IGFN1: variants seen among roughly 807,000 people sequenced by gnomAD.
The protein encoded by IGFN1 is immunoglobulin like and fibronectin type III domain containing 1.
Under a neutral mutation model 289.5 loss-of-function variants are expected in IGFN1, and 253 were observed. The ratio of observed to expected loss-of-function variants is 0.87; its 90% confidence interval spans 0.79 to 0.97. IGFN1 has a LOEUF of 0.97. IGFN1 is among the 50% of genes least tolerant of loss of function. The pLI is 0.00. For synonymous variants in IGFN1, 1,706 were observed against 1,788.5 expected (o/e 0.95, Z 1.16); for missense variants, 4,470 against 4,686.1 (o/e 0.95, Z 1.35).
At chr1:201,195,148 T>TC (rs1350525140) in intron 3 of IGFN1, among the ~76,000 whole-genome samples, 25 of 138,058 alleles carry the variant, frequency 1.8e-4, no homozygotes, top group African/African-American at 5.6e-4. Flanking sequence ...GAAAATCTCT[T>TC]CTTTTTTTTT....
At chr1:201,225,233 T>C (rs1345851705) in intron 21 of IGFN1, among the ~76,000 whole-genome samples, 1 of 152,176 alleles carries the variant, frequency 6.6e-6, no homozygotes, top group East Asian at 1.9e-4. Context: ...GATAAAGGCT[T>C]TCCTCCCCAG....
chr1:201,212,942 T>A lies in IGFN1; in HGVS notation c.8049T>A (p.Ala2683=). The A allele has an allele frequency of 6.4e-7, 1 of 1,551,428 alleles. No homozygotes were observed. The highest frequency in any genetic ancestry group is 1.2e-5 in the South Asian group (1 of 84,062). Residue 2683 remains alanine (A), a synonymous_variant, in exon 12 of 24, where the codon GCT becomes GCA. Transcript: ENST00000335211. The part of the protein sequence containing the change: ...GGEGAPGQEA[A]GGCRSPWSLD... ...AGGGTGCACCAGGCCAAGAGGCGGCTGGTGGATGCCGAAGCCCATGGTCCC... is the reference window on the plus strand; with the variant it reads ...AGGGTGCACCAGGCCAAGAGGCGGCAGGTGGATGCCGAAGCCCATGGTCCC...
At chr1:201,214,135 C>T in intron 12 of IGFN1, 42 bp from the exon 13 acceptor site, 1 of 1,558,678 alleles carries the variant, frequency 6.4e-7, no homozygotes, top group Non-Finnish European at 8.7e-7. Flanking sequence ...AGGCCATGGC[C>T]TGGGGCGCTC....
At chr1:201,214,456 G>A (rs1334771954) in intron 13 of IGFN1, among the ~76,000 whole-genome samples, 155 bp downstream of exon 13, 1 of 152,144 alleles carries the variant, frequency 6.6e-6, no homozygotes, top group African/African-American at 2.4e-5. Flanking sequence ...CAATAACTTG[G>A]TGTGTTTAAA....
intron 15 of IGFN1, chr1:201,216,179 C>T: frequency 3.3e-6 from 2 of 604,122 alleles, no homozygotes; most frequent in Non-Finnish European, 3.0e-6. Flanking sequence ...GTGCCCATAC[C>T]AGCCACCGGA....
rs1558144450 is a variant in IGFN1, at chr1:201,208,932, CA to C, written c.4040del (p.Gln1347ArgfsTer18). The stretch of plus-strand genomic sequence containing the variant: ...CAAGGCAGATTATAGGGGTGGTTTA[CA>C]GGATTCCAGGGAAGCGGGTTCAGGG... ...GSKADYRGGL[Q>X]DSREAGSGSK... is the part of the protein sequence containing the mutation. On this transcript the variant is annotated frameshift_variant, in exon 12 of 24. Coordinates refer to ENST00000335211, the MANE Select transcript of IGFN1 (RefSeq NM_001164586.2). LOFTEE classifies it high-confidence loss of function. 1 of 1,525,254 alleles carries C rather than the reference CA, an allele frequency of 6.6e-7. No individual in the cohort carries two copies. The highest frequency in any genetic ancestry group is 1.2e-5 in the South Asian group (1 of 83,342). 94.5% of individuals were successfully genotyped at this position (1,525,254 alleles called of 1,614,324 possible).
Position 201,212,470 on chromosome 1 carries a change from G to T in IGFN1, c.7577G>T (p.Gly2526Val). The change falls in exon 12 of 24, where the codon GGG becomes GTG. Residue 2526 changes from glycine (G) to valine (V), a missense_variant. Physicochemically the swap from Gly to Val is moderately radical, Grantham distance 109 (BLOSUM62 -3). Coordinates refer to ENST00000335211, the MANE Select transcript of IGFN1 (RefSeq NM_001164586.2). ...CAAGCAGGGATAATGGGGGCTTCTGGGTTTCTTGATGGCAAGGGGGCAGTG... is the reference window on the plus strand; with the variant it reads ...CAAGCAGGGATAATGGGGGCTTCTGTGTTTCTTGATGGCAAGGGGGCAGTG... ...PDQAGIMGAS[G>V]FLDGKGAVEG... 2 of 1,539,318 alleles carry T rather than the reference G, an allele frequency of 1.3e-6. No individual in the cohort carries two copies. The highest frequency in any genetic ancestry group is 1.2e-5 in the South Asian group (1 of 84,058).
At chr1:201,197,696 A>G (rs1572164487) in intron 5 of IGFN1, among the ~76,000 whole-genome samples, 1 of 152,216 alleles carries the variant, frequency 6.6e-6, no homozygotes, top group African/African-American at 2.4e-5. Flanking sequence ...CAGAGTTGAC[A>G]AACAGGTCAC....
intron 5 of IGFN1, 57 bp from the exon 6 acceptor site, chr1:201,199,277 T>C: frequency 2.1e-6 from 3 of 1,454,800 alleles, no homozygotes; most frequent in Admixed American, 2.0e-5. Context: ...CAACATGTCT[T>C]GCTTCTCTCC....
chr1:201,197,167 G>A, intron 4 of IGFN1, 51 bp from the exon 5 acceptor site: 4 of 1,113,022 alleles, frequency 3.6e-6, no homozygotes, highest in Non-Finnish European at 5.3e-6. Context: ...TCTAGTAAAT[G>A]GAGGAAGGGG....
At position 201,215,781 on chromosome 1, in the gene IGFN1, G is replaced by C. The variant is rs372638363; in HGVS notation, c.9238G>C (p.Val3080Leu). The change falls in exon 15 of 24, where the codon GTG becomes CTG. Residue 3080 changes from valine to leucine, a missense_variant. By Grantham distance (32) the Val-to-Leu change is conservative (BLOSUM62 1). Around this residue, in one of 8 missense-constraint regions of IGFN1, gnomAD observed 2,218 missense variants for 2,114.1 expected, o/e 1.05. Transcript: ENST00000335211. ...CAGGAAGGACTGTGGCCAGTACAGC[G>C]TGACACTGAGGAGTGAGGGAGGCTC... The part of the protein sequence containing the change: ...AGRKDCGQYS[V>L]TLRSEGGSVQ... 6.2e-7 allele frequency: 1 copy of C among 1,601,330 alleles called. No homozygotes were observed. Among genetic ancestry groups the C allele is most frequent in the Non-Finnish European group, 8.5e-7 (1 of 1,172,646 alleles).
chr1:201,226,228 A>C, intron 22 of IGFN1, 105 bp downstream of exon 22: 1 of 1,284,084 alleles, frequency 7.8e-7, no homozygotes, highest in South Asian at 1.6e-5. Flanking sequence ...GGACTGTGGC[A>C]GGGATGGCCT....
chr1:201,197,461 G>A (rs1666968876), intron 5 of IGFN1, 144 bp downstream of exon 5: 4 of 629,710 alleles, frequency 6.4e-6, no homozygotes, highest in Admixed American at 4.6e-5. Flanking sequence ...CCCACCTTGT[G>A]CTGGGCCCCG....
intron 6 of IGFN1, 30 bp downstream of exon 6, chr1:201,199,408 G>A (rs1472673212): frequency 6.5e-7 from 1 of 1,546,268 alleles, no homozygotes; most frequent in East Asian, 2.4e-5. Context: ...ACCTCCTTGG[G>A]GGCCTGTGGG....
At position 201,208,297 on chromosome 1, in the gene IGFN1, C is replaced by A. The variant is rs1483347295; in HGVS notation, c.3404C>A (p.Ala1135Asp). The change falls in exon 12 of 24, where the codon GCC becomes GAC. Residue 1135 changes from alanine (A) to aspartate (D), a missense_variant. Ala to Asp is a moderately radical substitution (Grantham distance 126, BLOSUM62 -2). Coordinates refer to ENST00000335211, the MANE Select transcript of IGFN1 (RefSeq NM_001164586.2). ...TTCAGAGCCTCAGAGGCCCTGGGGG[C>A]CTTTGGAGAAGGAGGCTATGAAGAT... ...GGFRASEALG[A>D]FGEGGYEDGS... The A allele has an allele frequency of 1.3e-6, 2 of 1,527,906 alleles. No homozygotes were observed. Among genetic ancestry groups the A allele is most frequent in the South Asian group, 1.2e-5 (1 of 82,942 alleles). The allele number at this position is 1,527,906 out of a possible 1,614,324, so 94.6% of individuals were successfully genotyped here.
chr1:201,212,126 A>G lies in IGFN1; in HGVS notation c.7233A>G (p.Glu2411=). 1.3e-6 allele frequency: 2 copies of G among 1,536,478 alleles called. No homozygotes were observed. Among genetic ancestry groups the G allele is most frequent in the Non-Finnish European group, 1.7e-6 (2 of 1,146,786 alleles). Residue 2411 remains glutamate, a synonymous_variant, in exon 12 of 24, where the codon GAA becomes GAG. Coordinates refer to ENST00000335211, the MANE Select transcript of IGFN1 (RefSeq NM_001164586.2). Reference sequence around the variant, plus strand: ...AGGATGGTCCAGAGCGAGCCAGGGAAACCAGGCTTGTGGATGGGGCAGGAC... The same window carrying G: ...AGGATGGTCCAGAGCGAGCCAGGGAGACCAGGCTTGTGGATGGGGCAGGAC... The part of the protein sequence containing the change: ...NSKDGPERAR[E]TRLVDGAGPG...
At chr1:201,226,158 T>TG in intron 22 of IGFN1, 35 bp downstream of exon 22, 1 of 1,539,656 alleles carries the variant, frequency 6.5e-7, no homozygotes, top group Admixed American at 1.9e-5. Context: ...GCAGGCAGGG[T>TG]GGGGGTTGCG....
Position 201,213,334 on chromosome 1 carries a change from C to CACTCAGGAGCAGG in IGFN1, c.8442_8454dup (p.Ser2819ThrfsTer12). Reference sequence around the variant, plus strand: ...GGGAGGTCAGGCAGGAGGCCTGGCTCACTCAGGAGCAGGTCTCAGGCACAG... The same window carrying CACTCAGGAGCAGG: ...GGGAGGTCAGGCAGGAGGCCTGGCTCACTCAGGAGCAGGACTCAGGAGCAGGTCTCAGGCACAG... On this transcript the variant is annotated frameshift_variant, in exon 12 of 24. Coordinates refer to ENST00000335211, the MANE Select transcript of IGFN1 (RefSeq NM_001164586.2). LOFTEE classifies it high-confidence loss of function. The CACTCAGGAGCAGG allele has an allele frequency of 6.3e-7, 1 of 1,597,868 alleles. No homozygotes were observed. The highest frequency in any genetic ancestry group is 8.5e-7 in the Non-Finnish European group (1 of 1,172,394).
rs11803067 is a variant in IGFN1, at chr1:201,210,964, A to G, written c.6071A>G (p.Glu2024Gly). The stretch of plus-strand genomic sequence containing the variant: ...TTCAGGGATGGTTTAGGGGGTTCTG[A>G]AGAAATGCGGTCAATGGATGAGGCA... The part of the protein sequence containing the change: ...AGFRDGLGGS[E>G]EMRSMDEAGY... Residue 2024 changes from glutamate (E) to glycine (G), a missense_variant, in exon 12 of 24, where the codon GAA (glutamate) becomes GGA (glycine). Physicochemically the swap from Glu to Gly is moderately conservative, Grantham distance 98 (BLOSUM62 -2). This residue lies in a region of IGFN1 where 108 missense variants were observed against 128.7 expected (regional missense o/e 0.84). Transcript: ENST00000335211. 2.3e-3 allele frequency: 1,595 copies of G among 699,358 alleles called. No individual in the cohort carries two copies. The highest frequency in any genetic ancestry group is 8.4e-3 in the East Asian group (143 of 17,108). The allele number at this position is 699,358 out of a possible 1,614,324, so 43.3% of individuals were successfully genotyped here.
Sources: allele counts gnomAD v4.1 joint callset (sites outside exome capture counted in the v4.1 genomes callset), GRCh38; gene constraint gnomAD v4.1.1; regional missense constraint gnomAD v4.1.1; transcripts MANE v1.5; gene names NCBI Gene and HGNC (gene_info 2026-07-23, HGNC 2026-07-21).